Variants in TRPM3 observed in about 807,000 individuals in gnomAD.
TRPM3 encodes long transient receptor potential channel 3.
TRPM3 carries 77 observed loss-of-function variants against 181.2 expected under a neutral mutation model. That is an observed-to-expected ratio of 0.42 (90% CI 0.35 to 0.51). The LOEUF (loss-of-function observed/expected upper bound fraction) is 0.51. Ranked by LOEUF, TRPM3 falls within the 20% of genes least tolerant of loss-of-function variation. The pLI, the probability that TRPM3 is intolerant of heterozygous loss-of-function variation, is 0.01. For synonymous variants in TRPM3, 745 were observed against 796.4 expected, an observed-to-expected ratio of 0.94 and a Z score of 1.09; for missense variants, 1,759 against 2,196.7, an observed-to-expected ratio of 0.80 and a Z score of 3.98.
chr9:71,294,587 T>C (rs140581236), intron 1 of TRPM3, among the ~76,000 whole-genome samples: 74 of 152,262 alleles, frequency 4.9e-4, no homozygotes, highest in African/African-American at 1.7e-3. Context: ...TAGAGTTGAA[T>C]ATGAGAATAT....
At chr9:71,264,887 A>T (rs1412023151) in intron 1 of TRPM3, among the ~76,000 whole-genome samples, 1 of 152,206 alleles carries the variant, frequency 6.6e-6, no homozygotes, top group Admixed American at 6.5e-5. Context: ...CTATCCTAAA[A>T]TATATATTTT....
chr9:70,808,479 C>T (rs987573648), intron 6 of TRPM3, among the ~76,000 whole-genome samples: 2 of 152,144 alleles, frequency 1.3e-5, no homozygotes, highest in Non-Finnish European at 2.9e-5. Context: ...AAGTCAATAC[C>T]AAGAAACCAG....
intron 18 of TRPM3, among the ~76,000 whole-genome samples, chr9:70,614,963 C>T (rs2133093773): frequency 6.6e-6 from 1 of 152,286 alleles, no homozygotes; most frequent in South Asian, 2.1e-4. Context: ...CAAACTGAAA[C>T]AAAAGTTGGC....
intron 9 of TRPM3, among the ~76,000 whole-genome samples, chr9:70,676,223 CA>C (rs2063965681): frequency 1.3e-5 from 2 of 152,206 alleles, no homozygotes; most frequent in Admixed American, 1.3e-4. Flanking sequence ...CCAAAGAACA[CA>C]AATTTCTCAT....
chr9:70,790,175 A>G (rs1330264554), intron 6 of TRPM3, among the ~76,000 whole-genome samples: 1 of 152,226 alleles, frequency 6.6e-6, no homozygotes, highest in South Asian at 2.1e-4. Context: ...CAGATGATCT[A>G]AAGTGCGTAT....
intron 1 of TRPM3, among the ~76,000 whole-genome samples, chr9:71,071,801 A>G (rs1417871513): frequency 6.6e-6 from 1 of 152,156 alleles, no homozygotes. Flanking sequence ...ATGTAAGTGG[A>G]GATACTAATA....
At chr9:71,076,355 C>T (rs1048119236) in intron 1 of TRPM3, among the ~76,000 whole-genome samples, 1 of 152,130 alleles carries the variant, frequency 6.6e-6, no homozygotes, top group Non-Finnish European at 1.5e-5. Context: ...AAACCATGAA[C>T]TAATGTGCCA....
At chr9:71,437,547 A>G (rs2094060383) in intron 1 of TRPM3, among the ~76,000 whole-genome samples, 1 of 152,160 alleles carries the variant, frequency 6.6e-6, no homozygotes, top group Non-Finnish European at 1.5e-5. Context: ...CAAGAATTGA[A>G]TGATTATAAG....
intron 9 of TRPM3, among the ~76,000 whole-genome samples, chr9:70,653,118 T>C (rs745579532): frequency 4.6e-4 from 70 of 151,910 alleles, no homozygotes; most frequent in Non-Finnish European, 4.6e-4. Context: ...TCCTAGAGAA[T>C]GGAGGCCAGG....
chr9:71,301,532 G>A (rs141551416), intron 1 of TRPM3, among the ~76,000 whole-genome samples: 5 of 152,176 alleles, frequency 3.3e-5, no homozygotes, highest in South Asian at 2.1e-4. Context: ...ATGGCAAAAC[G>A]TAATATTATA....
intron 1 of TRPM3, among the ~76,000 whole-genome samples, chr9:71,196,791 AT>A (rs1176956410): frequency 6.6e-6 from 1 of 152,040 alleles, no homozygotes; most frequent in Admixed American, 6.6e-5. Flanking sequence ...ATTTTGAGCC[AT>A]TTTTCATGAA....
chr9:70,916,650 A>G (rs1333389644), intron 1 of TRPM3, among the ~76,000 whole-genome samples: 1 of 152,152 alleles, frequency 6.6e-6, no homozygotes, highest in Non-Finnish European at 1.5e-5. Flanking sequence ...ATACTATATT[A>G]TTTATTTGAT....
At chr9:71,270,842 G>A (rs1481608207) in intron 1 of TRPM3, among the ~76,000 whole-genome samples, 1 of 152,122 alleles carries the variant, frequency 6.6e-6, no homozygotes, top group African/African-American at 2.4e-5. Context: ...TTGTTTTGGG[G>A]AAAACCAGTC....
At chr9:71,063,185 C>T (rs1447304705) in intron 1 of TRPM3, among the ~76,000 whole-genome samples, 1 of 152,126 alleles carries the variant, frequency 6.6e-6, no homozygotes, top group Admixed American at 6.6e-5. Flanking sequence ...TCACAGCACT[C>T]ACCTTCCTCC....
intron 25 of TRPM3, 93 bp from the exon 26 acceptor site, chr9:70,537,498 C>T (rs2042097619): frequency 1.7e-6 from 2 of 1,162,304 alleles, no homozygotes; most frequent in Admixed American, 6.4e-5. Context: ...CTGTGCCTGA[C>T]CTTGGTACCT....
intron 1 of TRPM3, among the ~76,000 whole-genome samples, chr9:71,186,848 GTC>G (rs2077710449): frequency 6.6e-6 from 1 of 151,982 alleles, no homozygotes; most frequent in South Asian, 2.1e-4. Context: ...CTAGCAAAAA[GTC>G]TCTCGTTATG....
intron 5 of TRPM3, among the ~76,000 whole-genome samples, chr9:70,831,955 C>T (rs2093927565): frequency 1.7e-5 from 1 of 58,824 alleles, no homozygotes; most frequent in Non-Finnish European, 3.1e-5. Context: ...ATTTTATGTA[C>T]CCCATAAATA....
intron 1 of TRPM3, among the ~76,000 whole-genome samples, chr9:71,389,799 T>C (rs770739963): frequency 2.8e-4 from 43 of 151,938 alleles, no homozygotes; most frequent in Non-Finnish European, 2.4e-4. Context: ...TGCAAAGGCA[T>C]AAAAATGATA....
intron 12 of TRPM3, among the ~76,000 whole-genome samples, chr9:70,633,264 T>G (rs1953927): frequency 0.76 from 116,226 of 152,144 alleles, 45,920 homozygotes; most frequent in East Asian, 0.92. Context: ...CAACTATCTC[T>G]CTGAAGAAGA....
Sources: gnomAD v4.1 joint callset for allele counts (sites outside exome capture counted in the v4.1 genomes callset) on GRCh38, gnomAD v4.1.1 for gene constraint, MANE v1.5 for transcripts, NCBI Gene and HGNC (gene_info 2026-07-23, HGNC 2026-07-21) for gene names.